The following BCKDHB variants were observed in gnomAD, a reference collection of about 807,000 sequenced individuals.
BCKDHB encodes the protein branched chain keto acid dehydrogenase E1 subunit beta.
Under a neutral mutation model 48.5 loss-of-function variants are expected in BCKDHB, and 41 were observed. The ratio of observed to expected loss-of-function variants is 0.85; its 90% CI spans 0.66 to 1.10. The LOEUF is 1.10. BCKDHB is among the 50% of genes least tolerant of loss of function. The probability of loss-of-function intolerance (pLI) is 0.00; values close to 1 mark genes in which losing one functional copy is unlikely to be tolerated. For synonymous variants in BCKDHB, 201 were observed against 174.8 expected (o/e 1.15, Z -1.18); for missense variants, 496 against 494.2 (o/e 1.00, Z -0.03).
chr6:80,314,184 A>AGTATTTC (rs1233394948), intron 9 of BCKDHB, among the ~76,000 whole-genome samples: 8 of 152,174 alleles, frequency 5.3e-5, no homozygotes, highest in Admixed American at 3.3e-4. Context: ...TATGTGATCC[A>AGTATTTC]TTTTAGAGTA....
chr6:80,302,276 A>G (rs1336281076), intron 9 of BCKDHB, among the ~76,000 whole-genome samples: 1 of 152,192 alleles, frequency 6.6e-6, no homozygotes. Flanking sequence ...AAAGGCTACT[A>G]GAACTGATAA....
the BCKDHB span, among the ~76,000 whole-genome samples, chr6:80,443,996 G>T: frequency 1.3e-5 from 2 of 151,788 alleles, no homozygotes; most frequent in East Asian, 3.9e-4. Context: ...CCTCTATCTA[G>T]TATTAGAAGT....
chr6:80,161,506 T>C (rs184866114), intron 3 of BCKDHB, among the ~76,000 whole-genome samples: 127 of 152,282 alleles, frequency 8.3e-4, no homozygotes, highest in African/African-American at 2.9e-3. Flanking sequence ...CCTTTCAAAC[T>C]AAAAATATGT....
At chr6:80,201,285 A>G (rs1352366283) in intron 7 of BCKDHB, among the ~76,000 whole-genome samples, 1 of 152,164 alleles carries the variant, frequency 6.6e-6, no homozygotes, top group Non-Finnish European at 1.5e-5. Context: ...TAATCAAATT[A>G]ATTAATGGAT....
the BCKDHB span, among the ~76,000 whole-genome samples, chr6:80,408,895 T>G: frequency 1.3e-5 from 2 of 152,072 alleles, no homozygotes; most frequent in Non-Finnish European, 2.9e-5. Context: ...TGATCTTAGT[T>G]ATTTCTTGCC....
chr6:80,306,063 A>G (rs1767859945), intron 9 of BCKDHB, among the ~76,000 whole-genome samples: 2 of 152,312 alleles, frequency 1.3e-5, no homozygotes, highest in South Asian at 4.1e-4. Context: ...CGTGAAGATT[A>G]AGTGAATTAA....
chr6:80,427,832 T>C, the BCKDHB span, among the ~76,000 whole-genome samples: 4 of 152,154 alleles, frequency 2.6e-5, no homozygotes, highest in Non-Finnish European at 4.4e-5. Context: ...TTGTTCATAT[T>C]TTTTTCCCTT....
chr6:80,200,970 T>C lies in BCKDHB; in HGVS notation c.779T>C (p.Leu260Pro). ...CCTATAGAACCATACAACATCCCAC[T>C]GTCCCAGGCCGAAGTCATACAGGAA... The part of the protein sequence containing the change: ...EVPIEPYNIP[L>P]SQAEVIQEGS... The change falls in exon 7 of 10, where the codon CTG becomes CCG. Residue 260 changes from leucine to proline, a missense_variant. Transcript: ENST00000320393. 1 of 1,612,970 alleles carries C rather than the reference T, an allele frequency of 6.2e-7. No individual in the cohort carries two copies. The highest frequency in any genetic ancestry group is 8.5e-7 in the Non-Finnish European group (1 of 1,179,166).
chr6:80,230,227 A>T (rs1775865691), intron 8 of BCKDHB, among the ~76,000 whole-genome samples: 1 of 150,268 alleles, frequency 6.7e-6, no homozygotes, highest in Admixed American at 6.6e-5. Flanking sequence ...TTTAGTAGAG[A>T]CGGGGTTTCA....
At chr6:80,412,373 C>T in the BCKDHB span, among the ~76,000 whole-genome samples, 721 of 152,164 alleles carry the variant, frequency 4.7e-3, 3 homozygotes, top group Non-Finnish European at 7.9e-3. Context: ...TCTTGAACTC[C>T]TGACCTCAAA....
At chr6:80,258,067 G>A (rs1337784403) in intron 8 of BCKDHB, among the ~76,000 whole-genome samples, 1 of 152,012 alleles carries the variant, frequency 6.6e-6, no homozygotes, top group African/African-American at 2.4e-5. Context: ...TTTTAATTCT[G>A]CCTTTAAATA....
rs375753946 is a variant in BCKDHB, at chr6:80,313,094, T to A, written c.1039-30570T>A. On this transcript the variant is annotated intron_variant, in intron 9 of 9. Coordinates refer to ENST00000320393, the MANE Select transcript of BCKDHB (RefSeq NM_183050.4). Reference sequence around the variant, plus strand: ...TGTGGTTAGGCTATTTATTACTGCCTCAATTTCAGAACTCGTTATTAGTCT... The same window carrying A: ...TGTGGTTAGGCTATTTATTACTGCCACAATTTCAGAACTCGTTATTAGTCT... Among the ~76,000 whole-genome samples, 7 of 152,212 alleles carry A rather than the reference T, an allele frequency of 4.6e-5. No individual in the cohort carries two copies. In the East Asian group the frequency reaches 9.6e-4, roughly 21 times the overall value.
chr6:80,151,059 T>G (rs1771750125), intron 3 of BCKDHB, among the ~76,000 whole-genome samples: 1 of 152,226 alleles, frequency 6.6e-6, no homozygotes, highest in Admixed American at 6.5e-5. Flanking sequence ...TGAATTCACA[T>G]GTATTTTACC....
At position 80,310,502 on chromosome 6, in the gene BCKDHB, T is replaced by C. The variant is rs564088725; in HGVS notation, c.1039-33162T>C. Among the ~76,000 whole-genome samples the C allele has an allele frequency of 8.5e-5, 13 of 152,386 alleles. No individual in the cohort carries two copies. In the South Asian group the frequency reaches 2.7e-3, roughly 32 times the overall value. On this transcript the variant is annotated intron_variant, in intron 9 of 9. Transcript: ENST00000320393. ...CACATTTTATTTGTCCAGTCTATCATTGACAGGCATTTAGGTTGATTCCAT... is the reference window on the plus strand; with the variant it reads ...CACATTTTATTTGTCCAGTCTATCACTGACAGGCATTTAGGTTGATTCCAT...
chr6:80,353,912 C>G, the BCKDHB span, among the ~76,000 whole-genome samples: 40 of 152,102 alleles, frequency 2.6e-4, 1 homozygote, highest in Admixed American at 2.2e-3. Context: ...GATGATGTCT[C>G]ATTTTAATTT....
the BCKDHB span, among the ~76,000 whole-genome samples, chr6:80,389,355 G>T: frequency 6.6e-6 from 1 of 152,222 alleles, no homozygotes; most frequent in Admixed American, 6.5e-5. Flanking sequence ...CAGCAGCAGA[G>T]ACCAACACTG....
intron 1 of BCKDHB, among the ~76,000 whole-genome samples, chr6:80,122,007 T>C (rs1770051298): frequency 6.6e-6 from 1 of 152,214 alleles, no homozygotes; most frequent in African/African-American, 2.4e-5. Flanking sequence ...ATAGCTCTTA[T>C]TATTTTGAGA....
intron 8 of BCKDHB, among the ~76,000 whole-genome samples, chr6:80,247,678 G>A (rs188433217): frequency 6.6e-6 from 1 of 152,312 alleles, no homozygotes; most frequent in East Asian, 1.9e-4. Flanking sequence ...TTTCTGGAAG[G>A]TTGTCAGCAG....
intron 9 of BCKDHB, among the ~76,000 whole-genome samples, chr6:80,293,635 C>A (rs1767062093): frequency 6.6e-6 from 1 of 152,202 alleles, no homozygotes; most frequent in Non-Finnish European, 1.5e-5. Flanking sequence ...CAAATTTCTG[C>A]AGCTGGCTTG....
Sources: allele counts gnomAD v4.1 joint callset (sites outside exome capture counted in the v4.1 genomes callset), GRCh38; gene constraint gnomAD v4.1.1; transcripts MANE v1.5; gene names NCBI Gene and HGNC (gene_info 2026-07-23, HGNC 2026-07-21).